The following ERC1 variants were observed in gnomAD, a reference collection of about 807,000 sequenced individuals.
ERC1 encodes RAB6 interacting protein 2.
Under a neutral mutation model 132.0 loss-of-function variants are expected in ERC1, and 56 were observed. The ratio of observed to expected loss-of-function variants is 0.42; its 90% confidence interval spans 0.34 to 0.53. The LOEUF is 0.53. ERC1 is among the 20% of genes least tolerant of loss of function. The pLI is 0.03. For synonymous variants in ERC1, 478 were observed against 476.1 expected (o/e 1.00, Z -0.05); for missense variants, 1,202 against 1,349.9 (o/e 0.89, Z 1.72).
intron 13 of ERC1, among the ~76,000 whole-genome samples, chr12:1,248,708 G>A (rs2076298254): frequency 6.6e-6 from 1 of 152,156 alleles, no homozygotes; most frequent in Non-Finnish European, 1.5e-5. Context: ...AGGATGATTG[G>A]AGTGGGACAA....
intron 4 of ERC1, among the ~76,000 whole-genome samples, chr12:1,106,630 G>A (rs1469901979): frequency 6.6e-6 from 1 of 152,006 alleles, no homozygotes; most frequent in African/African-American, 2.4e-5. Context: ...GTAGTCTTGA[G>A]TATAATCTTG....
chr12:1,167,289 C>T (rs1384771694), intron 8 of ERC1, among the ~76,000 whole-genome samples: 1 of 152,186 alleles, frequency 6.6e-6, no homozygotes, highest in Admixed American at 6.5e-5. Flanking sequence ...AGTTTTAAAG[C>T]AGAGTCAATA....
At chr12:1,061,264 C>G (rs1431980341) in intron 2 of ERC1, among the ~76,000 whole-genome samples, 1 of 151,978 alleles carries the variant, frequency 6.6e-6, no homozygotes, top group Non-Finnish European at 1.5e-5. Context: ...TCTTCTTAGT[C>G]TAGCTAATGG....
rs758449074 is a variant in ERC1 at position 1,110,332 on chromosome 12, A to G, written c.1302A>G (p.Lys434=). The part of the protein sequence containing the change: ...KQMEVYRSHS[K]FMKNKVEQLK... ...TGGAAGTGTATCGGAGCCATTCTAA[A>G]TTTATGAAAAATAAGGTAATGGCAT... The change falls in exon 5 of 19, where the codon AAA becomes AAG. Residue 434 remains lysine, a synonymous_variant. Transcript: ENST00000360905. 1.8e-5 allele frequency: 29 copies of G among 1,604,540 alleles called. No individual in the cohort carries two copies. The highest frequency in any genetic ancestry group is 2.3e-5 in the Non-Finnish European group (27 of 1,176,962).
chr12:1,022,907 C>T (rs112836257), intron 1 of ERC1, among the ~76,000 whole-genome samples: 29 of 152,232 alleles, frequency 1.9e-4, no homozygotes, highest in African/African-American at 5.8e-4. Flanking sequence ...CGTTAGCCAC[C>T]GCGCCCAGCC....
intron 13 of ERC1, among the ~76,000 whole-genome samples, chr12:1,252,873 G>T (rs1051919761): frequency 6.6e-6 from 1 of 152,164 alleles, no homozygotes; most frequent in South Asian, 2.1e-4. Context: ...CTGACATGTT[G>T]AATGATTTTA....
intron 15 of ERC1, among the ~76,000 whole-genome samples, chr12:1,349,556 C>T (rs2084803044): frequency 6.6e-6 from 1 of 150,482 alleles, no homozygotes; most frequent in Admixed American, 6.7e-5. Context: ...CCCAGCTACT[C>T]GGGAGGCTGA....
rs1440768370 is a variant in ERC1 at position 1,491,474 on chromosome 12, G to C, written c.*1244G>C. ...GAAAAGGCCACTTCTCAGTGAGGGAGAGATGTAGTGGATTCTGTGAGACAT... is the reference window on the plus strand; with the variant it reads ...GAAAAGGCCACTTCTCAGTGAGGGACAGATGTAGTGGATTCTGTGAGACAT... On this transcript the variant is annotated 3_prime_UTR_variant, in exon 19 of 19. Transcript: ENST00000360905. 8.7e-6 allele frequency: 2 copies of C among 230,434 alleles called. No homozygotes were observed. The highest frequency in any genetic ancestry group is 1.7e-5 in the Non-Finnish European group (2 of 116,338). The allele number at this position is 230,434 out of a possible 1,614,324, so 14.3% of individuals were successfully genotyped here.
At position 1,263,890 on chromosome 12, in the gene ERC1, A is replaced by G. The variant is rs538005032; in HGVS notation, c.2619+725A>G. 3.9e-3 allele frequency among the ~76,000 whole-genome samples: 588 copies of G among 151,916 alleles called. 1 individual carries two copies. The highest frequency in any genetic ancestry group is 0.013 in the African/African-American group (541 of 41,392). On this transcript the variant is annotated intron_variant, in intron 14 of 18. Transcript: ENST00000360905. ...TTTTTAGTAAAGTTGGGGTTTCACC[A>G]TGTTGGCCAGGCTGGTCTCGAACTC... is the stretch of plus-strand genomic sequence containing the variant.
At chr12:1,371,081 A>C (rs1412010881) in intron 15 of ERC1, among the ~76,000 whole-genome samples, 1 of 152,224 alleles carries the variant, frequency 6.6e-6, no homozygotes, top group Non-Finnish European at 1.5e-5. Flanking sequence ...TTAATCACTT[A>C]AGTGTACAAT....
chr12:1,431,061 C>T (rs73597964), intron 17 of ERC1, among the ~76,000 whole-genome samples: 13,427 of 152,128 alleles, frequency 0.088, 817 homozygotes, highest in African/African-American at 0.17. Flanking sequence ...AGTTAACTTG[C>T]CCGTAGGAAC....
chr12:1,036,204 A>C (rs1969044590), intron 2 of ERC1, among the ~76,000 whole-genome samples: 1 of 151,852 alleles, frequency 6.6e-6, no homozygotes, highest in African/African-American at 2.4e-5. Flanking sequence ...TCATTTACTT[A>C]GGAATCGAGA....
rs549347382 is a variant in ERC1, at chr12:1,374,504, A to C, written c.2925+2527A>C. Among the ~76,000 whole-genome samples, 5 of 152,328 alleles carry C rather than the reference A, an allele frequency of 3.3e-5. No homozygotes were observed. In the South Asian group the frequency reaches 1.0e-3, roughly 32 times the overall value. ...GAAAAAAATAAACTAAGGCTGTCTAACAAACTCCAGATGTTCTGTGGTGGG... is the reference window on the plus strand; with the variant it reads ...GAAAAAAATAAACTAAGGCTGTCTACCAAACTCCAGATGTTCTGTGGTGGG... On this transcript the variant is annotated intron_variant, in intron 16 of 18. Transcript: ENST00000360905.
intron 16 of ERC1, among the ~76,000 whole-genome samples, chr12:1,401,069 G>A (rs1029981105): frequency 1.3e-5 from 2 of 151,162 alleles, no homozygotes; most frequent in South Asian, 2.1e-4. Flanking sequence ...CCGAGTAGCT[G>A]GGACTACAGA....
chr12:1,076,651 C>G (rs112117825), intron 2 of ERC1, among the ~76,000 whole-genome samples: 3 of 152,108 alleles, frequency 2.0e-5, no homozygotes, highest in African/African-American at 7.2e-5. Flanking sequence ...CCTTGGCTTC[C>G]CAAAGTGCTG....
chr12:1,349,509 C>G (rs1285783693), intron 15 of ERC1, among the ~76,000 whole-genome samples: 5 of 151,892 alleles, frequency 3.3e-5, no homozygotes, highest in Admixed American at 1.3e-4. Context: ...CTAAAAAATA[C>G]AAAAATTAGC....
intron 18 of ERC1, 37 bp from the exon 19 acceptor site, chr12:1,490,056 T>G: frequency 6.2e-7 from 1 of 1,603,342 alleles, no homozygotes; most frequent in Non-Finnish European, 8.5e-7. Context: ...CAAATGGGAT[T>G]GTTGTATCTG....
chr12:1,304,904 C>G (rs2080749344), intron 15 of ERC1, among the ~76,000 whole-genome samples: 2 of 149,078 alleles, frequency 1.3e-5, no homozygotes, highest in African/African-American at 4.9e-5. Flanking sequence ...ATTCTCCTAC[C>G]TCAGCCTCCC....
intron 15 of ERC1, among the ~76,000 whole-genome samples, chr12:1,358,945 A>G (rs1011807294): frequency 6.6e-6 from 1 of 150,526 alleles, no homozygotes. Context: ...GCATGACATA[A>G]ATCTTCTTAC....
Sources: gnomAD v4.1 joint callset for allele counts (sites outside exome capture counted in the v4.1 genomes callset) on GRCh38, gnomAD v4.1.1 for gene constraint, MANE v1.5 for transcripts, NCBI Gene and HGNC (gene_info 2026-07-23, HGNC 2026-07-21) for gene names.